The following PLBD1 variants were observed in gnomAD, a reference collection of about 807,000 sequenced individuals.
PLBD1 encodes the protein lysosomal leucine aminopeptidase.
In PLBD1, 60 loss-of-function variants were observed where a neutral mutation model predicts 63.0. The observed-to-expected ratio is 0.95, with a 90% CI of 0.77 to 1.18. The LOEUF (loss-of-function observed/expected upper bound fraction) is 1.18, where lower values mean the gene tolerates loss of function less well. PLBD1 is among the 50% of genes most tolerant of loss of function. PLBD1 has a pLI of 0.00. For missense variants in PLBD1, 598 were observed against 677.9 expected (o/e 0.88, Z 1.31); for synonymous variants, 262 against 248.0 (o/e 1.06, Z -0.53).
intron 2 of PLBD1, 52 bp from the exon 3 acceptor site, chr12:14,542,343 T>C (rs764667684): frequency 7.3e-7 from 1 of 1,365,186 alleles, no homozygotes; most frequent in South Asian, 1.2e-5. Flanking sequence ...CTTGGATTTC[T>C]CCATCACAGT....
Position 14,503,710 on chromosome 12 carries a change from CAT to C in PLBD1, c.*60_*61del. The C allele has an allele frequency of 2.1e-6, 3 of 1,413,072 alleles. No individual in the cohort carries two copies. Among genetic ancestry groups the C allele is most frequent in the South Asian group, 2.6e-5 (2 of 77,886 alleles). 87.5% of individuals were successfully genotyped at this position (1,413,072 alleles called of 1,614,324 possible). A position where few individuals can be genotyped will look rare whatever the true frequency, so the allele number is the denominator to read the frequency against. On this transcript the variant is annotated 3_prime_UTR_variant, in exon 11 of 11. Transcript: ENST00000240617. The stretch of plus-strand genomic sequence containing the variant: ...TATTGCATAATTCTGATGGGAAAAA[CAT>C]AGCTAAAATAGTGCCTTTGGTATCT...
chr12:14,558,574 A>G (rs1430379173), intron 1 of PLBD1, among the ~76,000 whole-genome samples: 1 of 152,238 alleles, frequency 6.6e-6, no homozygotes, highest in African/African-American at 2.4e-5. Context: ...AACAGGAACC[A>G]TAAAAGAAAA....
intron 6 of PLBD1, among the ~76,000 whole-genome samples, chr12:14,525,427 T>C (rs758184087): frequency 2.6e-5 from 4 of 151,956 alleles, no homozygotes; most frequent in Non-Finnish European, 4.4e-5. Context: ...TAGCATCTGA[T>C]GGATAAATGA....
At chr12:14,525,540 A>G (rs1026688225) in intron 6 of PLBD1, among the ~76,000 whole-genome samples, 3 of 152,172 alleles carry the variant, frequency 2.0e-5, no homozygotes, top group Non-Finnish European at 4.4e-5. Flanking sequence ...ATTAATTTGC[A>G]GTTCCTACCA....
intron 1 of PLBD1, 132 bp from the exon 2 acceptor site, chr12:14,553,544 G>A (rs1025821035): frequency 6.1e-5 from 47 of 766,146 alleles, no homozygotes; most frequent in African/African-American, 3.9e-4. Flanking sequence ...GAAATCTGCC[G>A]TTACAGTTTG....
At chr12:14,541,258 A>G (rs975961507) in intron 3 of PLBD1, among the ~76,000 whole-genome samples, 2 of 152,226 alleles carry the variant, frequency 1.3e-5, no homozygotes, top group Non-Finnish European at 2.9e-5. Flanking sequence ...AGGTAGGTTG[A>G]TTCACCTTAC....
intron 4 of PLBD1, among the ~76,000 whole-genome samples, chr12:14,539,955 T>C (rs1945552860): frequency 6.9e-6 from 1 of 144,412 alleles, no homozygotes; most frequent in Non-Finnish European, 1.5e-5. Flanking sequence ...TGTATACATA[T>C]ACATATATAT....
chr12:14,564,291 T>C (rs1393978956), intron 1 of PLBD1, among the ~76,000 whole-genome samples: 1 of 152,160 alleles, frequency 6.6e-6, no homozygotes, highest in Non-Finnish European at 1.5e-5. Context: ...AATCAGCTTA[T>C]GGAGACTGAA....
chr12:14,537,020 C>T (rs532332660), intron 4 of PLBD1, among the ~76,000 whole-genome samples: 42 of 143,250 alleles, frequency 2.9e-4, no homozygotes, highest in Middle Eastern at 7.4e-3. Context: ...ACCCAGGAGG[C>T]GGAGGTTGCA....
In PLBD1 at chr12:14,558,049, C is replaced by CA. The variant is rs35613344; in HGVS notation, c.116-4638dup. On this transcript the variant is annotated intron_variant, in intron 1 of 10. Coordinates refer to ENST00000240617, the MANE Select transcript of PLBD1 (RefSeq NM_024829.6). ...TATACACAATGAAATACTACGTAGC[C>CA]AAAAAAAAAAAAAAAAAAGACTGTC... Among the ~76,000 whole-genome samples, 133 of 93,544 alleles carry CA rather than the reference C, an allele frequency of 1.4e-3. 1 individual carries two copies. Among genetic ancestry groups the CA allele is most frequent in the African/African-American group, 4.9e-3 (125 of 25,630 alleles). The allele number at this position is 93,544 out of a possible 152,430, so 61.4% of individuals were successfully genotyped here.
intron 4 of PLBD1, among the ~76,000 whole-genome samples, chr12:14,540,049 T>TACACAC (rs1470407041): frequency 1.8e-4 from 13 of 72,706 alleles, no homozygotes; most frequent in African/African-American, 4.4e-4. Context: ...TATATATATA[T>TACACAC]ATATACACAC....
At chr12:14,513,363 T>C (rs1418770119) in intron 6 of PLBD1, among the ~76,000 whole-genome samples, 1 of 152,252 alleles carries the variant, frequency 6.6e-6, no homozygotes, top group African/African-American at 2.4e-5. Flanking sequence ...TCAGAAACTA[T>C]GGACTTAATG....
At chr12:14,540,651 T>TTA in intron 4 of PLBD1, 113 bp downstream of exon 4, 1 of 1,160,120 alleles carries the variant, frequency 8.6e-7, no homozygotes, top group Non-Finnish European at 1.2e-6. Context: ...CGTAAGGAAT[T>TTA]TATACTGTAG....
chr12:14,529,265 A>G (rs1945441109), intron 6 of PLBD1, among the ~76,000 whole-genome samples: 1 of 152,122 alleles, frequency 6.6e-6, no homozygotes, highest in African/African-American at 2.4e-5. Context: ...TAAAACACTT[A>G]GGAGAAAGAA....
At chr12:14,522,891 A>G (rs1945387844) in intron 6 of PLBD1, among the ~76,000 whole-genome samples, 4 of 152,086 alleles carry the variant, frequency 2.6e-5, no homozygotes, top group Admixed American at 1.3e-4. Context: ...ATATATGACA[A>G]ATTCACAGCT....
chr12:14,548,868 T>C (rs1013280687), intron 2 of PLBD1, among the ~76,000 whole-genome samples: 3 of 152,232 alleles, frequency 2.0e-5, no homozygotes, highest in African/African-American at 7.2e-5. Context: ...AGCAGCCGCG[T>C]GAACAACATA....
At chr12:14,523,527 C>T (rs1945393444) in intron 6 of PLBD1, among the ~76,000 whole-genome samples, 1 of 152,130 alleles carries the variant, frequency 6.6e-6, no homozygotes, top group Admixed American at 6.5e-5. Flanking sequence ...TCAAAGCAAT[C>T]TTGAGCAAAA....
chr12:14,567,076 C>G (rs1945794234), intron 1 of PLBD1, among the ~76,000 whole-genome samples: 1 of 152,162 alleles, frequency 6.6e-6, no homozygotes, highest in Non-Finnish European at 1.5e-5. Context: ...GCGTCGCCCA[C>G]AGAGAGCGAC....
At chr12:14,565,844 A>G (rs1945776303) in intron 1 of PLBD1, among the ~76,000 whole-genome samples, 1 of 152,178 alleles carries the variant, frequency 6.6e-6, no homozygotes, top group South Asian at 2.1e-4. Context: ...TCCTTTCCAG[A>G]TTGCTGGGCA....
Sources: gnomAD v4.1 joint callset for allele counts (sites outside exome capture counted in the v4.1 genomes callset) on GRCh38, gnomAD v4.1.1 for gene constraint, MANE v1.5 for transcripts, NCBI Gene and HGNC (gene_info 2026-07-23, HGNC 2026-07-21) for gene names.